CSMD2: variants seen among roughly 807,000 people sequenced by gnomAD.
CSMD2 encodes the protein CUB and Sushi multiple domains 2.
CSMD2 carries 130 observed loss-of-function variants against 398.5 expected under a neutral mutation model. The ratio of observed to expected loss-of-function variants is 0.33; its 90% CI spans 0.28 to 0.38. The LOEUF is 0.38. Ranked by LOEUF, CSMD2 falls within the 10% of genes least tolerant of loss-of-function variation. The pLI is 1.00. For missense variants in CSMD2, 3,829 were observed against 4,764.9 expected, an observed-to-expected ratio of 0.80 and a Z score of 5.78; for synonymous variants, 1,828 against 1,908.5, an observed-to-expected ratio of 0.96 and a Z score of 1.10.
intron 3 of CSMD2, among the ~76,000 whole-genome samples, chr1:34,009,801 A>G (rs1401763395): frequency 6.6e-6 from 1 of 152,106 alleles, no homozygotes; most frequent in East Asian, 1.9e-4. Context: ...TTAATAAAAT[A>G]TTAACTCCTG....
intron 10 of CSMD2, among the ~76,000 whole-genome samples, chr1:33,793,064 A>T (rs1238460750): frequency 6.6e-6 from 1 of 152,058 alleles, no homozygotes; most frequent in Non-Finnish European, 1.5e-5. Flanking sequence ...TTTACTAAGC[A>T]CTCCCCATAT....
intron 1 of CSMD2, among the ~76,000 whole-genome samples, chr1:34,110,835 A>G (rs1661009270): frequency 6.6e-6 from 1 of 152,082 alleles, no homozygotes; most frequent in Admixed American, 6.6e-5. Context: ...TGTACAACAA[A>G]CCCCCATGAC....
intron 28 of CSMD2, among the ~76,000 whole-genome samples, chr1:33,650,477 G>A (rs1478210230): frequency 6.6e-6 from 1 of 151,538 alleles, no homozygotes; most frequent in South Asian, 2.1e-4. Context: ...AGTCATAAGG[G>A]CATGAAAGAA....
intron 12 of CSMD2, among the ~76,000 whole-genome samples, chr1:33,786,973 G>A (rs1188785367): frequency 3.9e-5 from 6 of 152,232 alleles, no homozygotes; most frequent in African/African-American, 1.4e-4. Context: ...AAACAGAGTT[G>A]CTGCAAATGT....
intron 6 of CSMD2, among the ~76,000 whole-genome samples, chr1:33,837,072 A>C (rs34573636): frequency 0.47 from 71,205 of 152,032 alleles, 16,879 homozygotes; most frequent in East Asian, 0.62. Flanking sequence ...GAGCAATCCC[A>C]GGGAAGCAGT....
At chr1:33,810,985 C>G (rs926123155) in intron 9 of CSMD2, 121 bp from the exon 10 acceptor site, 4 of 1,128,566 alleles carry the variant, frequency 3.5e-6, no homozygotes, top group Non-Finnish European at 3.7e-6. Flanking sequence ...ACATAACCTT[C>G]TGCTTCCTGG....
intron 54 of CSMD2, among the ~76,000 whole-genome samples, chr1:33,558,268 T>C (rs1033072324): frequency 1.3e-5 from 2 of 152,230 alleles, no homozygotes; most frequent in Admixed American, 1.3e-4. Context: ...TATCTGATCG[T>C]AGCACAATGT....
chr1:33,931,088 T>G (rs1644299380), intron 4 of CSMD2, among the ~76,000 whole-genome samples: 1 of 152,234 alleles, frequency 6.6e-6, no homozygotes, highest in Non-Finnish European at 1.5e-5. Context: ...GCTAGTAATT[T>G]CCCTTTCGGG....
At chr1:34,066,185 T>C (rs959025215) in intron 2 of CSMD2, among the ~76,000 whole-genome samples, 2 of 152,204 alleles carry the variant, frequency 1.3e-5, no homozygotes, top group African/African-American at 4.8e-5. Flanking sequence ...CAAGGATGTG[T>C]TATATGTACG....
intron 5 of CSMD2, chr1:33,863,145 G>T (rs374202941): frequency 6.6e-6 from 1 of 152,156 alleles, no homozygotes; most frequent in Non-Finnish European, 1.5e-5. Context: ...ATAAATTTGG[G>T]GCTATCATCA....
In CSMD2 at chr1:33,527,273, G is replaced by C. The variant is rs1243572262; in HGVS notation, c.10172-15C>G. 5 of 1,608,362 alleles carry C rather than the reference G, an allele frequency of 3.1e-6. No homozygotes were observed. In the Admixed American group the frequency reaches 5.0e-5, roughly 16 times the overall value. Reference sequence around the variant, plus strand: ...GGGCCGGACCTCTGCTGGGGAAAAAGAGTGGAAGAAAACAGGTTCAGCTTC... The same window carrying C: ...GGGCCGGACCTCTGCTGGGGAAAAACAGTGGAAGAAAACAGGTTCAGCTTC... On this transcript the variant is annotated splice_polypyrimidine_tract_variant and intron_variant, in intron 64 of 70. Coordinates refer to ENST00000373381, the MANE Select transcript of CSMD2 (RefSeq NM_001281956.2).
chr1:34,155,124 C>A (rs1414213633), intron 1 of CSMD2, among the ~76,000 whole-genome samples: 1 of 152,134 alleles, frequency 6.6e-6, no homozygotes, highest in Non-Finnish European at 1.5e-5. Flanking sequence ...TGAAGGGAGG[C>A]AAACTTTGTA....
chr1:34,159,231 T>G (rs1411303905), intron 1 of CSMD2, among the ~76,000 whole-genome samples: 1 of 152,162 alleles, frequency 6.6e-6, no homozygotes, highest in Admixed American at 6.5e-5. Context: ...CTGATGACTC[T>G]GACAACAAAG....
intron 1 of CSMD2, among the ~76,000 whole-genome samples, chr1:34,094,380 C>A (rs1280651470): frequency 2.0e-5 from 3 of 151,564 alleles, no homozygotes; most frequent in Non-Finnish European, 4.4e-5. Context: ...CTAACATCAT[C>A]ATGACAGGAT....
Position 33,918,237 on chromosome 1 carries a change from G to A in CSMD2, c.777C>T (p.Pro259=). ...AGTCGGCATTGTTATGGTACTCCGA[G>A]GGGAAGTGGGGGCTGGAGATGATGC... ...QSGIISSPHF[P]SEYHNNADCT... The change falls in exon 5 of 71, where the codon CCC becomes CCT. Residue 259 remains proline, a synonymous_variant. Coordinates refer to ENST00000373381, the MANE Select transcript of CSMD2 (RefSeq NM_001281956.2). 6.2e-7 allele frequency: 1 copy of A among 1,614,168 alleles called. No homozygotes were observed. Among genetic ancestry groups the A allele is most frequent in the South Asian group, 1.1e-5 (1 of 91,086 alleles).
intron 15 of CSMD2, among the ~76,000 whole-genome samples, chr1:33,728,546 A>T (rs1389155031): frequency 2.0e-5 from 3 of 152,194 alleles, no homozygotes; most frequent in Non-Finnish European, 4.4e-5. Flanking sequence ...CCTATTTTAT[A>T]GAGAAGAAAA....
intron 15 of CSMD2, among the ~76,000 whole-genome samples, chr1:33,732,870 C>T (rs373768177): frequency 3.9e-5 from 6 of 152,336 alleles, no homozygotes; most frequent in African/African-American, 1.4e-4. Context: ...TTCATGTATG[C>T]TTTTGCTTCC....
chr1:33,900,367 G>GGATTT (rs1431153793), intron 5 of CSMD2, among the ~76,000 whole-genome samples: 17 of 152,220 alleles, frequency 1.1e-4, no homozygotes, highest in Admixed American at 1.1e-3. Flanking sequence ...AGAAGAGAAA[G>GGATTT]AGGGGTAGAT....
chr1:33,993,703 C>G (rs370440792), intron 3 of CSMD2, among the ~76,000 whole-genome samples: 4 of 152,168 alleles, frequency 2.6e-5, no homozygotes, highest in African/African-American at 9.7e-5. Flanking sequence ...TCTATACTAT[C>G]TAGTTTCTAT....
Sources: allele counts gnomAD v4.1 joint callset (sites outside exome capture counted in the v4.1 genomes callset), GRCh38; gene constraint gnomAD v4.1.1; transcripts MANE v1.5; gene names NCBI Gene and HGNC (gene_info 2026-07-23, HGNC 2026-07-21).